The following XPR1 variants were observed in gnomAD, a reference collection of about 807,000 sequenced individuals.
XPR1 encodes the protein solute carrier family 53 member 1.
Under a neutral mutation model 87.5 loss-of-function variants are expected in XPR1, and 28 were observed. That is an observed-to-expected ratio of 0.32 (90% CI 0.24 to 0.44). The LOEUF (loss-of-function observed/expected upper bound fraction) is 0.44, where lower values mean the gene tolerates loss of function less well. XPR1 is among the 20% of genes least tolerant of loss of function. The pLI is 1.00. For synonymous variants in XPR1, 300 were observed against 306.1 expected, an observed-to-expected ratio of 0.98 and a Z score of 0.21; for missense variants, 559 against 862.3, an observed-to-expected ratio of 0.65 and a Z score of 4.41.
Position 180,632,104 on chromosome 1 carries a change from C to T in XPR1, c.-98C>T. On this transcript the variant is annotated 5_prime_UTR_variant, in exon 1 of 15. Coordinates refer to ENST00000367590, the MANE Select transcript of XPR1 (RefSeq NM_004736.4). ...GGAGGAGGAGAGAAGCGCAGCGCCG[C>T]GCCGCGCCGGGGCCCATGTGGGGAG... 1 of 1,442,008 alleles carries T rather than the reference C, an allele frequency of 6.9e-7. No homozygotes were observed. Among genetic ancestry groups the T allele is most frequent in the Non-Finnish European group, 9.5e-7 (1 of 1,048,726 alleles). 89.3% of individuals were successfully genotyped at this position (1,442,008 alleles called of 1,614,324 possible). A position where few individuals can be genotyped will look rare whatever the true frequency, so the allele number is the denominator to read the frequency against.
intron 2 of XPR1, among the ~76,000 whole-genome samples, chr1:180,719,637 T>G (rs1215201257): frequency 2.0e-5 from 3 of 152,198 alleles, no homozygotes; most frequent in Non-Finnish European, 2.9e-5. Flanking sequence ...ATTTGTGGGG[T>G]ACAGAGTGAT....
chr1:180,720,123 G>A (rs529527835), intron 2 of XPR1, among the ~76,000 whole-genome samples: 4 of 152,216 alleles, frequency 2.6e-5, no homozygotes, highest in South Asian at 2.1e-4. Flanking sequence ...GGCCGGGGGC[G>A]TGGGGGTGGT....
At chr1:180,665,112 C>T (rs1655914146) in intron 1 of XPR1, among the ~76,000 whole-genome samples, 2 of 152,116 alleles carry the variant, frequency 1.3e-5, no homozygotes, top group African/African-American at 2.4e-5. Context: ...CTGAGGAGGT[C>T]TTAGGAATCT....
At chr1:180,860,803 A>T (rs777028484) in intron 11 of XPR1, among the ~76,000 whole-genome samples, 80 of 140,516 alleles carry the variant, frequency 5.7e-4, no homozygotes, top group Non-Finnish European at 5.3e-4. Flanking sequence ...GGATGTGACT[A>T]AAAAAAAAAA....
intron 3 of XPR1, among the ~76,000 whole-genome samples, chr1:180,801,503 A>G (rs1242833516): frequency 6.6e-6 from 1 of 152,234 alleles, no homozygotes; most frequent in Non-Finnish European, 1.5e-5. Flanking sequence ...TAAATAGATT[A>G]TAAAAGTTAA....
intron 1 of XPR1, among the ~76,000 whole-genome samples, chr1:180,659,373 GTCCTTCCGTCCTTCCTTCCT>G (rs1571691200): frequency 6.8e-5 from 5 of 73,250 alleles, no homozygotes; most frequent in East Asian, 4.9e-4. Flanking sequence ...CCTTCCGTCC[GTCCTTCCGTCCTTCCTTCCT>G]TCCTTCCTTC....
intron 2 of XPR1, among the ~76,000 whole-genome samples, chr1:180,730,944 C>G (rs577347730): frequency 1.3e-5 from 2 of 152,156 alleles, no homozygotes; most frequent in East Asian, 3.9e-4. Context: ...AAACTTTCTT[C>G]TTTAAAAATT....
At chr1:180,710,451 G>T (rs571313472) in intron 2 of XPR1, among the ~76,000 whole-genome samples, 1 of 152,208 alleles carries the variant, frequency 6.6e-6, no homozygotes, top group South Asian at 2.1e-4. Context: ...AGCACATATT[G>T]CGCCGCCCTT....
At chr1:180,668,121 A>G (rs1267366991) in intron 1 of XPR1, among the ~76,000 whole-genome samples, 3 of 89,736 alleles carry the variant, frequency 3.3e-5, no homozygotes, top group Non-Finnish European at 6.8e-5. Flanking sequence ...ATTTCCCTCT[A>G]TCTTTTTTTT....
rs1239837034 is a variant in XPR1 at position 180,843,455 on chromosome 1, T to C, written c.1501+6739T>C. Among the ~76,000 whole-genome samples, 3 of 152,190 alleles carry C rather than the reference T, an allele frequency of 2.0e-5. No homozygotes were observed. In the East Asian group the frequency reaches 5.8e-4, roughly 29 times the overall value. On this transcript the variant is annotated intron_variant, in intron 11 of 14. Transcript: ENST00000367590. ...AGAAAATAAGCAAATTATTTGGGAA[T>C]TTATCTTGGCAATATTTGCTTAAGA... is the stretch of plus-strand genomic sequence containing the variant.
At chr1:180,761,970 A>C (rs1470635972) in intron 2 of XPR1, among the ~76,000 whole-genome samples, 1 of 152,030 alleles carries the variant, frequency 6.6e-6, no homozygotes, top group Non-Finnish European at 1.5e-5. Flanking sequence ...TGTCCTTTGT[A>C]GGGACATGGA....
chr1:180,640,471 C>G (rs1002863827), intron 1 of XPR1, among the ~76,000 whole-genome samples: 11 of 152,220 alleles, frequency 7.2e-5, no homozygotes, highest in African/African-American at 2.7e-4. Context: ...AGCCCATGCT[C>G]TTAATTTCTA....
chr1:180,873,521 C>G (rs1231681548), intron 12 of XPR1, among the ~76,000 whole-genome samples: 1 of 152,158 alleles, frequency 6.6e-6, no homozygotes, highest in Non-Finnish European at 1.5e-5. Flanking sequence ...TAGAAGAAAG[C>G]CTGGTATACA....
chr1:180,723,250 A>G (rs1237124435), intron 2 of XPR1, among the ~76,000 whole-genome samples: 2 of 152,348 alleles, frequency 1.3e-5, no homozygotes, highest in East Asian at 1.9e-4. Context: ...TAAAGTAACC[A>G]TTAGCAATAC....
chr1:180,736,537 T>C (rs1278762479), intron 2 of XPR1, among the ~76,000 whole-genome samples: 1 of 152,210 alleles, frequency 6.6e-6, no homozygotes, highest in African/African-American at 2.4e-5. Context: ...TAAAGATGTC[T>C]TCACACCATG....
rs528051433 is a variant in XPR1 at position 180,644,486 on chromosome 1, A to G, written c.69+12216A>G. Among the ~76,000 whole-genome samples, 11 of 144,614 alleles carry G rather than the reference A, an allele frequency of 7.6e-5. No homozygotes were observed. The East Asian group carries it at 2.0e-3, about 27-fold the overall frequency. 94.9% of individuals were successfully genotyped at this position (144,614 alleles called of 152,430 possible). ...TTTTTAACTTTGCATCTATCTTCTC[A>G]TCTATTGTATGTGAAGTTTAGAGTT... is the stretch of plus-strand genomic sequence containing the variant. On this transcript the variant is annotated intron_variant, in intron 1 of 14. Coordinates refer to ENST00000367590, the MANE Select transcript of XPR1 (RefSeq NM_004736.4).
chr1:180,855,336 T>C (rs1198614119), intron 11 of XPR1, among the ~76,000 whole-genome samples: 1 of 152,206 alleles, frequency 6.6e-6, no homozygotes, highest in Non-Finnish European at 1.5e-5. Context: ...TGTTAACATA[T>C]TATTAAATTT....
intron 13 of XPR1, among the ~76,000 whole-genome samples, chr1:180,877,510 C>T (rs1317537118): frequency 6.6e-6 from 1 of 152,126 alleles, no homozygotes; most frequent in African/African-American, 2.4e-5. Context: ...CTACTGTATA[C>T]TGTGTGTGAA....
intron 1 of XPR1, among the ~76,000 whole-genome samples, chr1:180,660,499 C>G (rs182167603): frequency 6.6e-6 from 1 of 152,176 alleles, no homozygotes; most frequent in East Asian, 1.9e-4. Flanking sequence ...AAACTTTCCT[C>G]TTAGTACTTC....
Sources: gnomAD v4.1 joint callset for allele counts (sites outside exome capture counted in the v4.1 genomes callset) on GRCh38, gnomAD v4.1.1 for gene constraint, MANE v1.5 for transcripts, NCBI Gene and HGNC (gene_info 2026-07-23, HGNC 2026-07-21) for gene names.